The following ERC2 variants were observed in gnomAD, a reference collection of about 807,000 sequenced individuals.
ERC2 encodes the protein ERC protein 2.
ERC2 carries 42 observed loss-of-function variants against 114.8 expected under a neutral mutation model. The ratio of observed to expected loss-of-function variants is 0.37; its 90% CI spans 0.29 to 0.47. The LOEUF is 0.47. ERC2 is among the 20% of genes least tolerant of loss of function. The probability of loss-of-function intolerance (pLI) is 0.99; values close to 1 mark genes in which losing one functional copy is unlikely to be tolerated. For missense variants in ERC2, 939 were observed against 1,150.7 expected, an observed-to-expected ratio of 0.82 and a Z score of 2.66; for synonymous variants, 454 against 425.5, an observed-to-expected ratio of 1.07 and a Z score of -0.82.
At chr3:55,988,388 C>T (rs1053433262) in intron 11 of ERC2, among the ~76,000 whole-genome samples, 4 of 152,194 alleles carry the variant, frequency 2.6e-5, no homozygotes, top group Admixed American at 6.5e-5. Flanking sequence ...CATAACTGCA[C>T]GTGGGACCAC....
chr3:55,633,395 C>A (rs2059833764), intron 17 of ERC2, among the ~76,000 whole-genome samples: 1 of 152,198 alleles, frequency 6.6e-6, no homozygotes, highest in Admixed American at 6.5e-5. Flanking sequence ...ATGACTCCCT[C>A]ACATGACCTT....
intron 17 of ERC2, among the ~76,000 whole-genome samples, chr3:55,680,693 C>T (rs912721207): frequency 3.9e-5 from 6 of 152,034 alleles, no homozygotes; most frequent in African/African-American, 1.5e-4. Flanking sequence ...GCCAGGGATG[C>T]CTATGATGGC....
intron 12 of ERC2, among the ~76,000 whole-genome samples, chr3:55,954,851 T>C (rs2067829461): frequency 6.6e-6 from 1 of 151,768 alleles, no homozygotes; most frequent in Non-Finnish European, 1.5e-5. Context: ...TGCACAAATA[T>C]ATATATATAA....
At chr3:56,376,618 C>A (rs1576656651) in intron 2 of ERC2, among the ~76,000 whole-genome samples, 1 of 152,124 alleles carries the variant, frequency 6.6e-6, no homozygotes, top group East Asian at 1.9e-4. Context: ...CAAAAATTAG[C>A]CAGGCATGGT....
At chr3:56,257,415 C>T (rs1357409549) in intron 3 of ERC2, among the ~76,000 whole-genome samples, 2 of 152,192 alleles carry the variant, frequency 1.3e-5, no homozygotes, top group African/African-American at 2.4e-5. Flanking sequence ...ACCTGCAGTT[C>T]AGGCAATTTA....
chr3:55,872,401 T>C (rs879340879), intron 14 of ERC2, among the ~76,000 whole-genome samples: 15 of 152,198 alleles, frequency 9.9e-5, no homozygotes, highest in Admixed American at 3.9e-4. Flanking sequence ...GATTCTTAAT[T>C]AACCAAAATT....
intron 14 of ERC2, among the ~76,000 whole-genome samples, chr3:55,794,804 T>C (rs1352129519): frequency 6.6e-6 from 1 of 152,224 alleles, no homozygotes; most frequent in Admixed American, 6.5e-5. Flanking sequence ...TGCAAAACTT[T>C]GTTAAACTCA....
chr3:56,443,102 A>C (rs1046684213), intron 1 of ERC2, among the ~76,000 whole-genome samples: 6 of 152,214 alleles, frequency 3.9e-5, no homozygotes, highest in Admixed American at 3.9e-4. Flanking sequence ...AAATAAATAT[A>C]ATTCTGTATT....
intron 2 of ERC2, among the ~76,000 whole-genome samples, chr3:56,300,267 T>C (rs1436995158): frequency 1.5e-5 from 2 of 134,076 alleles, no homozygotes; most frequent in East Asian, 4.3e-4. Flanking sequence ...ATCTCCCTCA[T>C]ACTCATGAAA....
rs534743025 is a variant in ERC2, at chr3:56,058,590, T to A, written c.1641+22227A>T. ...GATGACACATGAAGTCAGTGGACTT[T>A]AAGTAAGCAGATTACCCTCCATAAT... On this transcript the variant is annotated intron_variant, in intron 7 of 17. Transcript: ENST00000288221. Among the ~76,000 whole-genome samples the A allele has an allele frequency of 2.0e-5, 3 of 152,314 alleles. No homozygotes were observed. The East Asian group carries it at 5.8e-4, about 29-fold the overall frequency.
intron 7 of ERC2, among the ~76,000 whole-genome samples, chr3:56,071,022 C>A (rs1465018494): frequency 6.6e-6 from 1 of 152,164 alleles, no homozygotes; most frequent in Non-Finnish European, 1.5e-5. Context: ...TGTAGTATAC[C>A]TGGCTGATAG....
intron 13 of ERC2, among the ~76,000 whole-genome samples, chr3:55,903,047 T>C (rs974359832): frequency 1.3e-5 from 2 of 152,232 alleles, no homozygotes; most frequent in Non-Finnish European, 2.9e-5. Flanking sequence ...ACTCACATCT[T>C]AACATGTGAC....
At chr3:56,386,262 T>C (rs1402421454) in intron 2 of ERC2, among the ~76,000 whole-genome samples, 1 of 152,172 alleles carries the variant, frequency 6.6e-6, no homozygotes, top group East Asian at 1.9e-4. Flanking sequence ...AGATGTCAAC[T>C]TCAGTGTATT....
chr3:55,666,642 G>A (rs190262857), intron 17 of ERC2, among the ~76,000 whole-genome samples: 16 of 152,258 alleles, frequency 1.1e-4, no homozygotes, highest in Admixed American at 9.8e-4. Flanking sequence ...GGGGCTGGGG[G>A]TGGGGTGGCA....
chr3:56,432,569 T>G (rs951788810), intron 2 of ERC2, among the ~76,000 whole-genome samples: 2 of 152,242 alleles, frequency 1.3e-5, no homozygotes, highest in African/African-American at 4.8e-5. Flanking sequence ...GCTTTGGCTC[T>G]GTTAGATAAT....
At chr3:56,284,201 G>A (rs1044769747) in intron 3 of ERC2, among the ~76,000 whole-genome samples, 3 of 152,164 alleles carry the variant, frequency 2.0e-5, no homozygotes, top group Non-Finnish European at 4.4e-5. Flanking sequence ...AAGTTTTAGA[G>A]TCAGGAAAAT....
At chr3:55,807,913 C>T (rs967937245) in intron 14 of ERC2, among the ~76,000 whole-genome samples, 1 of 152,148 alleles carries the variant, frequency 6.6e-6, no homozygotes. Flanking sequence ...AAAATGACCT[C>T]TGAGCATGAG....
rs539905276 is a variant in ERC2, at chr3:55,751,314, G to A, written c.2565-16396C>T. On this transcript the variant is annotated intron_variant, in intron 14 of 17. Transcript: ENST00000288221. ...GAATAATCTCTTTATTTCACAAATA[G>A]GCCCCATCAGACAAGAGCTCGAGCT... is the stretch of plus-strand genomic sequence containing the variant. Among the ~76,000 whole-genome samples the A allele has an allele frequency of 3.4e-4, 52 of 152,228 alleles. 1 individual carries two copies. In the South Asian group the frequency reaches 9.6e-3, roughly 28 times the overall value.
intron 6 of ERC2, among the ~76,000 whole-genome samples, chr3:56,132,206 C>A (rs1327500076): frequency 2.0e-5 from 3 of 152,078 alleles, no homozygotes; most frequent in Non-Finnish European, 4.4e-5. Context: ...CCTTTAATGC[C>A]CAAGAGTTGT....
Sources: allele counts gnomAD v4.1 joint callset (sites outside exome capture counted in the v4.1 genomes callset), GRCh38; gene constraint gnomAD v4.1.1; transcripts MANE v1.5; gene names NCBI Gene and HGNC (gene_info 2026-07-23, HGNC 2026-07-21).